The following PLAGL1 variants were observed in gnomAD, a reference collection of about 807,000 sequenced individuals.
PLAGL1 encodes PLAG1 like zinc finger 1, also known as zinc finger protein PLAGL1.
A neutral mutation model predicts 4.6 loss-of-function variants in PLAGL1; 1 was observed. The observed-to-expected ratio is 0.22, with a 90% confidence interval of 0.08 to 1.03. The LOEUF (loss-of-function observed/expected upper bound fraction) is 1.03. Ranked by LOEUF, PLAGL1 falls within the 50% of genes least tolerant of loss-of-function variation. The pLI is 0.58. For missense variants in PLAGL1, 464 were observed against 570.4 expected (o/e 0.81, Z 1.90); for synonymous variants, 240 against 237.8 (o/e 1.01, Z -0.08).
At chr6:143,956,009 G>T (rs1428263015) in intron 6 of PLAGL1, among the ~76,000 whole-genome samples, 1 of 152,318 alleles carries the variant, frequency 6.6e-6, no homozygotes, top group African/African-American at 2.4e-5. Context: ...GGGCTTAATG[G>T]TGCCTAATGG....
rs756984299 is a variant in PLAGL1, at chr6:143,941,840, A to G, written c.976T>C (p.Cys326Arg). Residue 326 changes from cysteine to arginine, a missense_variant, in exon 8 of 8, where the codon TGC (cysteine) becomes CGC (arginine). Coordinates refer to ENST00000674357, the MANE Select transcript of PLAGL1 (RefSeq NM_001317162.2). This position sits in a 1 kb window ranked among gnomAD's most constrained non-coding sequence, Gnocchi z 6.0. The stretch of plus-strand genomic sequence containing the variant: ...AAGTCCTCAAACAAACTGATATTGC[A>G]AAAACCTTTAGTATCTGCTTTGAGG... ...LPLKADTKGF[C>R]NISLFEDLPL... The G allele has an allele frequency of 6.2e-7, 1 of 1,614,208 alleles. No homozygotes were observed. The highest frequency in any genetic ancestry group is 8.5e-7 in the Non-Finnish European group (1 of 1,180,024).
In PLAGL1 at chr6:143,968,188, A is replaced by G. The variant is rs941885598; in HGVS notation, c.-472+719T>C. On this transcript the variant is annotated intron_variant, in intron 3 of 7. Transcript: ENST00000674357. The surrounding 1 kb of genome is among the most constrained non-coding windows in gnomAD (Gnocchi z 6.3). ...TTTAAGGCTGGGATTTGGAATCATT[A>G]TCTTGAAATAGGCAGTTCAAACAAA... 6 of 152,210 alleles carry G rather than the reference A, an allele frequency of 3.9e-5. No individual in the cohort carries two copies. Among genetic ancestry groups the G allele is most frequent in the Non-Finnish European group, 7.3e-5 (5 of 68,048 alleles). 9.4% of individuals were successfully genotyped at this position (152,210 alleles called of 1,614,324 possible).
intron 1 of PLAGL1, among the ~76,000 whole-genome samples, chr6:144,062,596 C>T (rs552351545): frequency 6.6e-6 from 1 of 152,034 alleles, no homozygotes; most frequent in Non-Finnish European, 1.5e-5. Context: ...GATGCTTTTC[C>T]CCCCAAACCT....
intron 1 of PLAGL1, among the ~76,000 whole-genome samples, chr6:144,054,796 T>A (rs1798842031): frequency 6.6e-6 from 1 of 151,382 alleles, no homozygotes; most frequent in Non-Finnish European, 1.5e-5. Context: ...TGTGTGTGTG[T>A]GTGTGTGTGT....
intron 1 of PLAGL1, among the ~76,000 whole-genome samples, chr6:143,996,999 A>C (rs917765936): frequency 1.2e-4 from 18 of 152,112 alleles, no homozygotes; most frequent in Admixed American, 6.5e-4. Context: ...ACCACTAAAA[A>C]CCCGATAAAC....
rs932982411 is a variant in PLAGL1 at position 143,958,861 on chromosome 6, TAA to T, written c.-325+1606_-325+1607del. Among the ~76,000 whole-genome samples the T allele has an allele frequency of 6.6e-6, 1 of 152,182 alleles. No individual in the cohort carries two copies. Among genetic ancestry groups the T allele is most frequent in the African/African-American group, 2.4e-5 (1 of 41,438 alleles). ...TGTTAAGGAAATGGGGGAGAAAGCTTAAAAAGAGTGGAACACTAGCAAGCAGG... is the reference window on the plus strand; with the variant it reads ...TGTTAAGGAAATGGGGGAGAAAGCTTAAAGAGTGGAACACTAGCAAGCAGG... On this transcript the variant is annotated intron_variant, in intron 6 of 7. Coordinates refer to ENST00000674357, the MANE Select transcript of PLAGL1 (RefSeq NM_001317162.2). The surrounding 1 kb of genome is among the most constrained non-coding windows in gnomAD (Gnocchi z 5.1).
At chr6:143,999,811 TAAATTA>T (rs1319762743) in intron 1 of PLAGL1, among the ~76,000 whole-genome samples, 1 of 152,206 alleles carries the variant, frequency 6.6e-6, no homozygotes, top group Non-Finnish European at 1.5e-5. Flanking sequence ...TATGATAATT[TAAATTA>T]AAATAACCTA....
At position 143,994,877 on chromosome 6, in the gene PLAGL1, A is replaced by T. The variant is rs552576357; in HGVS notation, c.-583-9703T>A. On this transcript the variant is annotated intron_variant, in intron 1 of 7. Transcript: ENST00000674357. This position sits in a 1 kb window ranked among gnomAD's most constrained non-coding sequence, Gnocchi z 4.3. Reference sequence around the variant, plus strand: ...AGTTTCTGATGTGTTTGCTCTTAGCAAATTTGCATTAATTTCAGATTTTCT... The same window carrying T: ...AGTTTCTGATGTGTTTGCTCTTAGCTAATTTGCATTAATTTCAGATTTTCT... Among the ~76,000 whole-genome samples the T allele has an allele frequency of 2.6e-4, 39 of 152,354 alleles. No homozygotes were observed. The South Asian group carries it at 7.2e-3, about 28-fold the overall frequency.
chr6:143,942,352 T>C lies in PLAGL1; in HGVS notation c.464A>G (p.Lys155Arg). The stretch of plus-strand genomic sequence containing the variant: ...TCTTTCACAGTGGTCGCACTGGTGC[T>C]TCTTTTCCTTGGTTCCGCTAGGGGG... ...EKPPSGTKEK[K>R]HQCDHCERCF... is the part of the protein sequence containing the mutation. The change falls in exon 8 of 8, where the codon AAG becomes AGG. Residue 155 changes from lysine to arginine, a missense_variant. Physicochemically the swap from Lys to Arg is conservative, Grantham distance 26 (BLOSUM62 2). Around this residue, in one of 4 missense-constraint regions of PLAGL1, gnomAD observed 161 missense variants for 196.7 expected, o/e 0.82. Coordinates refer to ENST00000674357, the MANE Select transcript of PLAGL1 (RefSeq NM_001317162.2). This position sits in a 1 kb window ranked among gnomAD's most constrained non-coding sequence, Gnocchi z 7.6. The C allele has an allele frequency of 6.2e-7, 1 of 1,614,124 alleles. No homozygotes were observed. The highest frequency in any genetic ancestry group is 8.5e-7 in the Non-Finnish European group (1 of 1,180,006).
chr6:143,978,807 C>T lies in PLAGL1; in HGVS notation c.-544+6328G>A, dbSNP rs779490279. On this transcript the variant is annotated intron_variant, in intron 2 of 7. Coordinates refer to ENST00000674357, the MANE Select transcript of PLAGL1 (RefSeq NM_001317162.2). The surrounding 1 kb of genome is among the most constrained non-coding windows in gnomAD (Gnocchi z 4.6). Reference sequence around the variant, plus strand: ...TTGCTGTTGAGTAGCGTTCTATAAACGCCAATTAAGTCAATGTGGTTGATA... The same window carrying T: ...TTGCTGTTGAGTAGCGTTCTATAAATGCCAATTAAGTCAATGTGGTTGATA... Among the ~76,000 whole-genome samples, 12 of 152,086 alleles carry T rather than the reference C, an allele frequency of 7.9e-5. No individual in the cohort carries two copies. Among genetic ancestry groups the T allele is most frequent in the South Asian group, 4.1e-4 (2 of 4,830 alleles).
Position 144,013,827 on chromosome 6 carries a change from G to T in PLAGL1, c.-150-44849C>A, listed in dbSNP as rs1157975613. On this transcript the variant is annotated intron_variant, in intron 1 of 3. Transcript: ENST00000437412. This position sits in a 1 kb window ranked among gnomAD's most constrained non-coding sequence, Gnocchi z 4.4. ...GGACTCACTGAAATAACTGAAGGTG[G>T]TCTCCTCATTTCAAGATCCGTAACT... Among the ~76,000 whole-genome samples the T allele has an allele frequency of 6.6e-6, 1 of 152,146 alleles. No homozygotes were observed. Among genetic ancestry groups the T allele is most frequent in the Non-Finnish European group, 1.5e-5 (1 of 68,018 alleles).
chr6:144,018,528 C>T (rs1488569583), intron 1 of PLAGL1, among the ~76,000 whole-genome samples: 2 of 152,174 alleles, frequency 1.3e-5, no homozygotes, highest in Non-Finnish European at 2.9e-5. Context: ...AGTAAGTATT[C>T]TTACCACAAA....
Position 144,030,281 on chromosome 6 carries a change from A to AAAAAAAAAAAAAAAAAAAAAG in PLAGL1, c.-151+34186_-151+34187insCTTTTTTTTTTTTTTTTTTTT, listed in dbSNP as rs1296064916. On this transcript the variant is annotated intron_variant, in intron 1 of 3. Transcript: ENST00000437412. ...AAAAAAAAAAAAAAAAAAAAAAAAAAAAGAAGATGTAAATTTTAATACAAT... is the reference window on the plus strand; with the variant it reads ...AAAAAAAAAAAAAAAAAAAAAAAAAAAAAAAAAAAAAAAAAAAAAAGAAGAAGATGTAAATTTTAATACAAT... Among the ~76,000 whole-genome samples the AAAAAAAAAAAAAAAAAAAAAG allele has an allele frequency of 5.3e-5, 7 of 132,900 alleles. No homozygotes were observed. In the East Asian group the frequency reaches 1.4e-3, roughly 27 times the overall value. 87.2% of individuals were successfully genotyped at this position (132,900 alleles called of 152,430 possible).
Position 143,940,767 on chromosome 6 carries a change from G to C in PLAGL1, c.*657C>G, listed in dbSNP as rs1778413317. On this transcript the variant is annotated 3_prime_UTR_variant, in exon 8 of 8. Coordinates refer to ENST00000674357, the MANE Select transcript of PLAGL1 (RefSeq NM_001317162.2). Reference sequence around the variant, plus strand: ...TTCTGTCAGATGTAACTGACAACCAGTTTAGTCTTTCTTTAAGATAAATGA... The same window carrying C: ...TTCTGTCAGATGTAACTGACAACCACTTTAGTCTTTCTTTAAGATAAATGA... 6.7e-6 allele frequency: 1 copy of C among 149,960 alleles called. No individual in the cohort carries two copies. The highest frequency in any genetic ancestry group is 1.5e-5 in the Non-Finnish European group (1 of 67,742). The allele number at this position is 149,960 out of a possible 1,614,324, so 9.3% of individuals were successfully genotyped here.
In PLAGL1 at chr6:144,027,291, G is replaced by GAA. The variant is rs1288741883; in HGVS notation, c.-151+37175_-151+37176dup. Among the ~76,000 whole-genome samples the GAA allele has an allele frequency of 6.8e-6, 1 of 147,826 alleles. No individual in the cohort carries two copies. The highest frequency in any genetic ancestry group is 1.5e-5 in the Non-Finnish European group (1 of 66,464). ...AGAAAGAAAGAAAGAAAGAAAGAAA[G>GAA]AAAGTTATTTGATCTGAAGTACAAT... On this transcript the variant is annotated intron_variant, in intron 1 of 3. Coordinates refer to the PLAGL1 transcript ENST00000437412. The surrounding 1 kb of genome is among the most constrained non-coding windows in gnomAD (Gnocchi z 5.8).
Position 143,948,202 on chromosome 6 carries a change from ACAGAACGATGGTG to A in PLAGL1, c.-79_-67del. The A allele has an allele frequency of 6.9e-7, 1 of 1,456,956 alleles. No homozygotes were observed. The highest frequency in any genetic ancestry group is 9.6e-7 in the Non-Finnish European group (1 of 1,044,710). 90.3% of individuals were successfully genotyped at this position (1,456,956 alleles called of 1,614,324 possible). A position where few individuals can be genotyped will look rare whatever the true frequency, so the allele number is the denominator to read the frequency against. On this transcript the variant is annotated 5_prime_UTR_variant, in exon 7 of 8. It introduces an in-frame stop codon into an upstream open reading frame of the 5' UTR. Coordinates refer to ENST00000674357, the MANE Select transcript of PLAGL1 (RefSeq NM_001317162.2). The surrounding 1 kb of genome is among the most constrained non-coding windows in gnomAD (Gnocchi z 6.0). ...CAAATGCTGTGCCATTTAAGCACAA[ACAGAACGATGGTG>A]CTGGGCACATCAGCAGAGTCCCTGC...
rs186775640 is a variant in PLAGL1 at position 143,978,532 on chromosome 6, T to C, written c.-544+6603A>G. On this transcript the variant is annotated intron_variant, in intron 2 of 7. Coordinates refer to ENST00000674357, the MANE Select transcript of PLAGL1 (RefSeq NM_001317162.2). This position sits in a 1 kb window ranked among gnomAD's most constrained non-coding sequence, Gnocchi z 4.6. Reference sequence around the variant, plus strand: ...AATTCTGTAGTCTCAGAAAGTATTTTGTATGGTTTCTATTCTTTTAAATTT... The same window carrying C: ...AATTCTGTAGTCTCAGAAAGTATTTCGTATGGTTTCTATTCTTTTAAATTT... Among the ~76,000 whole-genome samples, 82 of 152,340 alleles carry C rather than the reference T, an allele frequency of 5.4e-4. No homozygotes were observed. The East Asian group carries it at 0.015, about 27-fold the overall frequency.
Position 143,995,724 on chromosome 6 carries a change from G to C in PLAGL1, c.-583-10550C>G, listed in dbSNP as rs868868174. Among the ~76,000 whole-genome samples the C allele has an allele frequency of 4.0e-5, 6 of 151,722 alleles. No individual in the cohort carries two copies. The highest frequency in any genetic ancestry group is 7.3e-5 in the African/African-American group (3 of 41,266). ...ATTTTTTTTTTCCTGAAGACTAAAG[G>C]AAGAAAGATCACCCTTTCTACATGT... On this transcript the variant is annotated intron_variant, in intron 1 of 7. Transcript: ENST00000674357. This position sits in a 1 kb window ranked among gnomAD's most constrained non-coding sequence, Gnocchi z 4.4.
In PLAGL1 at chr6:143,997,858, GTA is replaced by G. The variant is rs1050630620; in HGVS notation, c.-584+10230_-584+10231del. 3.9e-5 allele frequency among the ~76,000 whole-genome samples: 6 copies of G among 152,148 alleles called. No individual in the cohort carries two copies. The highest frequency in any genetic ancestry group is 7.2e-5 in the African/African-American group (3 of 41,406). On this transcript the variant is annotated intron_variant, in intron 1 of 7. Transcript: ENST00000674357. This position sits in a 1 kb window ranked among gnomAD's most constrained non-coding sequence, Gnocchi z 4.6. ...CTTGAATGTGGTTACACAGGTGTGC[GTA>G]TGTGTGTGTGTGTATAAACTCATCA...
Sources: gnomAD v4.1 joint callset for allele counts (sites outside exome capture counted in the v4.1 genomes callset) on GRCh38, gnomAD v4.1.1 for gene constraint, gnomAD v4.1.1 regional missense constraint, Gnocchi (gnomAD v3.1) non-coding constraint, MANE v1.5 for transcripts, NCBI Gene and HGNC (gene_info 2026-07-23, HGNC 2026-07-21) for gene names.